PIK3IP1: variants seen among roughly 807,000 people sequenced by gnomAD.
The protein encoded by PIK3IP1 is phosphoinositide-3-kinase-interacting protein 1.
In PIK3IP1, 28 loss-of-function variants were observed where a neutral mutation model predicts 30.7. That is an observed-to-expected ratio of 0.91 (90% CI 0.68 to 1.25). The LOEUF is 1.25. Ranked by LOEUF, PIK3IP1 falls within the 50% of genes most tolerant of loss-of-function variation. The pLI, the probability that PIK3IP1 is intolerant of heterozygous loss-of-function variation, is 0.00. For synonymous variants in PIK3IP1, 159 were observed against 140.8 expected, an observed-to-expected ratio of 1.13 and a Z score of -0.91; for missense variants, 333 against 346.2, an observed-to-expected ratio of 0.96 and a Z score of 0.30.
chr22:31,290,818 G>C, intron 3 of PIK3IP1, 147 bp downstream of exon 3: 1 of 1,218,392 alleles, frequency 8.2e-7, no homozygotes, highest in South Asian at 1.8e-5. Flanking sequence ...TTTGAGCCCC[G>C]CGGCCTGGAG....
intron 3 of PIK3IP1, chr22:31,290,619 T>G: frequency 9.3e-6 from 2 of 214,778 alleles, no homozygotes; most frequent in Non-Finnish European, 1.8e-5. Context: ...GGAGCTGGGG[T>G]TGTGAGCAGT....
At chr22:31,288,555 C>G (rs2049149043) in intron 5 of PIK3IP1, among the ~76,000 whole-genome samples, 1 of 152,160 alleles carries the variant, frequency 6.6e-6, no homozygotes, top group Non-Finnish European at 1.5e-5. Flanking sequence ...CGATTTTGCC[C>G]AAGAATGGCA....
At chr22:31,290,704 G>C (rs1006739928) in intron 3 of PIK3IP1, 2 of 455,254 alleles carry the variant, frequency 4.4e-6, no homozygotes, top group South Asian at 7.8e-5. Flanking sequence ...TCCTCAGGAC[G>C]CGCGGCGGAG....
chr22:31,291,415 C>A, intron 1 of PIK3IP1, 119 bp from the exon 2 acceptor site: 2 of 977,980 alleles, frequency 2.0e-6, no homozygotes, highest in African/African-American at 1.6e-5. Flanking sequence ...TAGGGGACCC[C>A]GGGCCCTGCT....
chr22:31,284,087 A>G (rs1389033003), intron 5 of PIK3IP1, among the ~76,000 whole-genome samples: 1 of 152,032 alleles, frequency 6.6e-6, no homozygotes, highest in Non-Finnish European at 1.5e-5. Flanking sequence ...TATTTTTAGT[A>G]GAGATGGGGT....
chr22:31,292,517 G>A (rs1402460189), upstream of PIK3IP1: 3 of 602,810 alleles, frequency 5.0e-6, no homozygotes, highest in Non-Finnish European at 8.9e-6. Flanking sequence ...TTGCTGCAGC[G>A]CGAGCTGTTT....
rs148357191 is a variant in PIK3IP1, at chr22:31,289,668, C to G, written c.339G>C (p.Thr113=). The change falls in exon 4 of 6, where the codon ACG becomes ACC. Residue 113 remains threonine, a synonymous_variant. Transcript: ENST00000215912. ...ETTSQALPAF[T]TEIQEASEGP... Reference sequence around the variant, plus strand: ...CTTCAGACGCTTCCTGGATTTCTGTCGTGAAGGCTGGCAGGGCCTGGGAGG... The same window carrying G: ...CTTCAGACGCTTCCTGGATTTCTGTGGTGAAGGCTGGCAGGGCCTGGGAGG... The G allele has an allele frequency of 6.4e-7, 1 of 1,553,396 alleles. No individual in the cohort carries two copies. Among genetic ancestry groups the G allele is most frequent in the South Asian group, 1.2e-5 (1 of 84,158 alleles).
In PIK3IP1 at chr22:31,289,356, A is replaced by G. The variant is rs976928441; in HGVS notation, c.546T>C (p.Ile182=). Residue 182 remains isoleucine, a synonymous_variant, in exon 5 of 6, where the codon ATT becomes ATC. Transcript: ENST00000215912. The stretch of plus-strand genomic sequence containing the variant: ...CCAAGATGATGCCAGCTCCGATGGC[A>G]ATGATGATCACCATCATGGTAATGC... ...VLGITMMVII[I]AIGAGIILGY... is the part of the protein sequence containing the mutation. 2 of 1,613,398 alleles carry G rather than the reference A, an allele frequency of 1.2e-6. No individual in the cohort carries two copies. Among genetic ancestry groups the G allele is most frequent in the Admixed American group, 1.7e-5 (1 of 59,838 alleles).
At chr22:31,288,387 CAAAG>C (rs1361918469) in intron 5 of PIK3IP1, among the ~76,000 whole-genome samples, 23 of 75,292 alleles carry the variant, frequency 3.1e-4, no homozygotes, top group African/African-American at 6.0e-4. Flanking sequence ...AAAAAAAAAT[CAAAG>C]AAAGGAAGGA....
At chr22:31,292,513 C>T, upstream of PIK3IP1, 1 of 606,034 alleles carries the variant, frequency 1.7e-6, no homozygotes, top group Non-Finnish European at 2.9e-6. Flanking sequence ...TAGCTTGCTG[C>T]AGCGCGAGCT....
chr22:31,289,868 GC>G, intron 3 of PIK3IP1, 169 bp from the exon 4 acceptor site: 9 of 648,844 alleles, frequency 1.4e-5, no homozygotes, highest in Non-Finnish European at 2.3e-5. Flanking sequence ...GCCTGAGAGG[GC>G]TGAACCATCT....
In PIK3IP1 at chr22:31,283,117, G is replaced by C. The variant is rs145073446; in HGVS notation, c.759C>G (p.Pro253=). Residue 253 remains proline (P), a synonymous_variant, in exon 6 of 6, where the codon CCC becomes CCG. Coordinates refer to ENST00000215912, the MANE Select transcript of PIK3IP1 (RefSeq NM_052880.5). The stretch of plus-strand genomic sequence containing the variant: ...CAGGAGTCCCGGCCTGGCCCATAAG[G>C]GGGGTGGTGCCCTCCTGAGGGTCAA... ...TPVDPQEGTT[P]LMGQAGTPGA The C allele has an allele frequency of 1.3e-5, 21 of 1,611,584 alleles. No homozygotes were observed. The highest frequency in any genetic ancestry group is 1.7e-4 in the Middle Eastern group (1 of 5,980).
chr22:31,287,003 T>C (rs1377778605), intron 5 of PIK3IP1, among the ~76,000 whole-genome samples: 4 of 147,820 alleles, frequency 2.7e-5, no homozygotes, highest in Non-Finnish European at 5.9e-5. Context: ...AGAGTACTAG[T>C]CCATTACCCA....
chr22:31,288,915 G>C (rs1295867310), intron 5 of PIK3IP1: 7 of 354,348 alleles, frequency 2.0e-5, no homozygotes, highest in African/African-American at 1.5e-4. Flanking sequence ...TTGGTCTTAA[G>C]GTCCCTGCAA....
intron 1 of PIK3IP1, among the ~76,000 whole-genome samples, chr22:31,291,692 TGGGACGG>T (rs2049181000): frequency 6.6e-6 from 1 of 152,192 alleles, no homozygotes; most frequent in Admixed American, 6.5e-5. Flanking sequence ...CTGGGAGTTT[TGGGACGG>T]GGGGCGCCCA....
At chr22:31,288,277 G>A (rs2049146164) in intron 5 of PIK3IP1, among the ~76,000 whole-genome samples, 2 of 152,132 alleles carry the variant, frequency 1.3e-5, no homozygotes, top group African/African-American at 2.4e-5. Flanking sequence ...CTCAGTGGGG[G>A]TGGGTGGGGG....
At chr22:31,291,362 G>A in intron 1 of PIK3IP1, 66 bp from the exon 2 acceptor site, 2 of 1,485,780 alleles carry the variant, frequency 1.3e-6, no homozygotes, top group East Asian at 2.5e-5. Context: ...CCAGCGTGGC[G>A]GACAGGGGAG....
At chr22:31,288,750 AAG>A (rs1340689902) in intron 5 of PIK3IP1, among the ~76,000 whole-genome samples, 1 of 152,232 alleles carries the variant, frequency 6.6e-6, no homozygotes, top group African/African-American at 2.4e-5. Context: ...ACACGTGGTG[AAG>A]AGTGGCAAAC....
At chr22:31,288,989 G>C in intron 5 of PIK3IP1, 1 of 497,520 alleles carries the variant, frequency 2.0e-6, no homozygotes, top group Non-Finnish European at 3.5e-6. Flanking sequence ...GGATCAGACA[G>C]CAGGGAATTT....
Sources: gnomAD v4.1 joint callset for allele counts (sites outside exome capture counted in the v4.1 genomes callset) on GRCh38, gnomAD v4.1.1 for gene constraint, MANE v1.5 for transcripts, NCBI Gene and HGNC (gene_info 2026-07-23, HGNC 2026-07-21) for gene names.